THSD4: variants seen among roughly 807,000 people sequenced by gnomAD.
THSD4 encodes thrombospondin type 1 domain containing 4, also known as thrombospondin type-1 domain-containing protein 4.
In THSD4, 69 loss-of-function variants were observed where a neutral mutation model predicts 119.0. That is an observed-to-expected ratio of 0.58 (90% CI 0.48 to 0.71). The LOEUF (loss-of-function observed/expected upper bound fraction) is 0.71, where lower values mean the gene tolerates loss of function less well. Among genes scored for constraint, THSD4 ranks in the 30% least tolerant of loss-of-function variants. The pLI, the probability that THSD4 is intolerant of heterozygous loss-of-function variation, is 0.00. For synonymous variants in THSD4, 524 were observed against 540.4 expected, an observed-to-expected ratio of 0.97 and a Z score of 0.42; for missense variants, 1,393 against 1,391.1, an observed-to-expected ratio of 1.00 and a Z score of -0.02.
At chr15:71,157,315 A>C (rs2040788193) in intron 3 of THSD4, among the ~76,000 whole-genome samples, 1 of 152,178 alleles carries the variant, frequency 6.6e-6, no homozygotes, top group Admixed American at 6.5e-5. Flanking sequence ...TTATCATTAA[A>C]ATTTTTAAAT....
chr15:71,097,264 A>T (rs1345171082), intron 1 of THSD4, among the ~76,000 whole-genome samples: 1 of 152,120 alleles, frequency 6.6e-6, no homozygotes, highest in Non-Finnish European at 1.5e-5. Context: ...TATGTTATTA[A>T]CTATTTATTG....
chr15:71,446,296 G>C, intron 7 of THSD4, among the ~76,000 whole-genome samples: 1 of 151,864 alleles, frequency 6.6e-6, no homozygotes. Context: ...CCACTTTAAT[G>C]GTCTTCCTTT....
In THSD4 at chr15:71,564,720, GTATAT is replaced by G. The variant is rs536694814; in HGVS notation, c.1153-95805_1153-95801del. Among the ~76,000 whole-genome samples, 13 of 115,912 alleles carry G rather than the reference GTATAT, an allele frequency of 1.1e-4. 5 individuals carry two copies. Among genetic ancestry groups the G allele is most frequent in the Non-Finnish European group, 1.5e-4 (9 of 58,780 alleles). The allele number at this position is 115,912 out of a possible 152,430, so 76.0% of individuals were successfully genotyped here. A position where few individuals can be genotyped will look rare whatever the true frequency, so the allele number is the denominator to read the frequency against. On this transcript the variant is annotated intron_variant, in intron 7 of 17. Transcript: ENST00000261862. ...TATAACATATAATACAATATATATT[GTATAT>G]TATAACATATAATACAATATATAGT...
At chr15:71,329,856 G>T (rs1388852157) in intron 6 of THSD4, among the ~76,000 whole-genome samples, 2 of 152,186 alleles carry the variant, frequency 1.3e-5, no homozygotes, top group Non-Finnish European at 2.9e-5. Context: ...CAAGGTGGGT[G>T]AATCTCTTGA....
intron 1 of THSD4, among the ~76,000 whole-genome samples, chr15:71,131,967 T>C (rs112100773): frequency 1.4e-4 from 22 of 152,344 alleles, no homozygotes; most frequent in African/African-American, 5.3e-4. Flanking sequence ...CCCGACAACC[T>C]GCATCAGATA....
At chr15:71,574,325 C>T (rs1306964302) in intron 7 of THSD4, among the ~76,000 whole-genome samples, 1 of 152,164 alleles carries the variant, frequency 6.6e-6, no homozygotes, top group African/African-American at 2.4e-5. Flanking sequence ...TTATTGTCAT[C>T]CCCTTTTGCT....
chr15:71,435,227 C>A (rs1432136650), intron 7 of THSD4, among the ~76,000 whole-genome samples: 1 of 151,978 alleles, frequency 6.6e-6, no homozygotes, highest in African/African-American at 2.4e-5. Flanking sequence ...ACTGGGAAAC[C>A]AACCCCAGAC....
intron 6 of THSD4, among the ~76,000 whole-genome samples, chr15:71,371,301 A>G (rs977254003): frequency 2.3e-4 from 35 of 152,092 alleles, no homozygotes; most frequent in Non-Finnish European, 3.8e-4. Context: ...ATTGTTATGT[A>G]TGAATTTGAT....
Position 71,637,800 on chromosome 15 carries a change from A to G in THSD4, c.1153-22730A>G, listed in dbSNP as rs148910782. 2.0e-5 allele frequency among the ~76,000 whole-genome samples: 3 copies of G among 151,794 alleles called. No homozygotes were observed. The East Asian group carries it at 5.8e-4, about 29-fold the overall frequency. ...GAGTGCAATGGTGTGACCTCAGCTC[A>G]GTGCAACCTCTGCCTCCTGGGTTCA... is the stretch of plus-strand genomic sequence containing the variant. On this transcript the variant is annotated intron_variant, in intron 7 of 17. Transcript: ENST00000261862.
intron 7 of THSD4, among the ~76,000 whole-genome samples, chr15:71,465,379 G>A (rs1353865816): frequency 6.6e-6 from 1 of 152,090 alleles, no homozygotes; most frequent in Non-Finnish European, 1.5e-5. Flanking sequence ...AGTTAATTAG[G>A]GTGGCTGTGA....
At chr15:71,751,901 T>C (rs184684060) in intron 14 of THSD4, among the ~76,000 whole-genome samples, 1 of 152,346 alleles carries the variant, frequency 6.6e-6, no homozygotes, top group Non-Finnish European at 1.5e-5. Context: ...TAAATCTTTA[T>C]ATGCACCTCT....
intron 6 of THSD4, among the ~76,000 whole-genome samples, chr15:71,333,990 C>A (rs1278792562): frequency 6.6e-6 from 1 of 152,166 alleles, no homozygotes; most frequent in African/African-American, 2.4e-5. Flanking sequence ...GAGTAAGACA[C>A]AACCTCTGCC....
At chr15:71,617,356 T>C (rs2050336805) in intron 7 of THSD4, among the ~76,000 whole-genome samples, 1 of 152,230 alleles carries the variant, frequency 6.6e-6, no homozygotes, top group Non-Finnish European at 1.5e-5. Flanking sequence ...ATTAATATCA[T>C]CATTTGATTT....
At chr15:71,729,481 T>G (rs1351385017) in intron 9 of THSD4, 1 of 152,234 alleles carries the variant, frequency 6.6e-6, no homozygotes, top group Non-Finnish European at 1.5e-5. Flanking sequence ...CTGATTAACA[T>G]ATTTGCTGTG....
chr15:71,737,430 G>A (rs2053135365), intron 10 of THSD4, among the ~76,000 whole-genome samples: 1 of 152,198 alleles, frequency 6.6e-6, no homozygotes, highest in Non-Finnish European at 1.5e-5. Flanking sequence ...GGAATTATGA[G>A]TAAAGTTGAG....
intron 7 of THSD4, among the ~76,000 whole-genome samples, chr15:71,495,884 A>G (rs112890534): frequency 7.5e-4 from 114 of 152,356 alleles, no homozygotes; most frequent in African/African-American, 2.6e-3. Context: ...AGCCCATGGT[A>G]GAGTCACTAG....
intron 10 of THSD4, chr15:71,732,865 C>T (rs1057415532): frequency 6.6e-6 from 1 of 152,220 alleles, no homozygotes; most frequent in African/African-American, 2.4e-5. Flanking sequence ...ATCCATTCTT[C>T]TCTGAACTTT....
At chr15:71,513,719 G>A (rs944483139) in intron 7 of THSD4, among the ~76,000 whole-genome samples, 17 of 152,118 alleles carry the variant, frequency 1.1e-4, no homozygotes, top group African/African-American at 4.1e-4. Flanking sequence ...AGACACAGAG[G>A]ACTTGAACAT....
At chr15:71,551,827 C>T (rs2048934275) in intron 7 of THSD4, among the ~76,000 whole-genome samples, 1 of 152,116 alleles carries the variant, frequency 6.6e-6, no homozygotes, top group African/African-American at 2.4e-5. Context: ...TTCCAGACTC[C>T]CACAAGGAAA....
Sources: allele counts gnomAD v4.1 joint callset (sites outside exome capture counted in the v4.1 genomes callset), GRCh38; gene constraint gnomAD v4.1.1; transcripts MANE v1.5; gene names NCBI Gene and HGNC (gene_info 2026-07-23, HGNC 2026-07-21).